Variants in KIAA2012 observed in about 807,000 individuals in gnomAD.
The protein encoded by KIAA2012 is KIAA2012, also known as uncharacterized protein KIAA2012.
A neutral mutation model predicts 150.6 loss-of-function variants in KIAA2012; 125 were observed. The ratio of observed to expected loss-of-function variants is 0.83; its 90% CI spans 0.72 to 0.96. The LOEUF (loss-of-function observed/expected upper bound fraction) is 0.96. Among genes scored for constraint, KIAA2012 ranks in the 40% least tolerant of loss-of-function variants. The probability of loss-of-function intolerance (pLI) is 0.00; values close to 1 mark genes in which losing one functional copy is unlikely to be tolerated. For missense variants in KIAA2012, 1,219 were observed against 1,354.9 expected (o/e 0.90, Z 1.57); for synonymous variants, 462 against 504.7 (o/e 0.92, Z 1.13).
intron 12 of KIAA2012, among the ~76,000 whole-genome samples, chr2:202,132,257 C>G (rs1335553603): frequency 6.6e-6 from 1 of 152,080 alleles, no homozygotes; most frequent in Middle Eastern, 3.2e-3. Flanking sequence ...ATTGACATCA[C>G]CAGATTTTTA....
At chr2:202,075,250 T>G in intron 2 of KIAA2012, 75 bp downstream of exon 2, 1 of 1,443,938 alleles carries the variant, frequency 6.9e-7, no homozygotes, top group Non-Finnish European at 9.1e-7. Context: ...GCTTTGGGAA[T>G]AATTTCTTGG....
intron 15 of KIAA2012, among the ~76,000 whole-genome samples, chr2:202,183,449 T>C (rs1479242663): frequency 6.9e-6 from 1 of 144,186 alleles, no homozygotes; most frequent in Admixed American, 7.5e-5. Flanking sequence ...CATTTGTTTT[T>C]TGGGGGGTTT....
intron 15 of KIAA2012, chr2:202,179,489 G>A (rs1240043310): frequency 9.9e-6 from 7 of 705,090 alleles, no homozygotes; most frequent in African/African-American, 1.8e-5. Context: ...AGACAAAGTG[G>A]AACCAATTAC....
Position 202,073,508 on chromosome 2 carries a change from G to C in KIAA2012, c.-120G>C. 1 of 737,646 alleles carries C rather than the reference G, an allele frequency of 1.4e-6. No homozygotes were observed. The highest frequency in any genetic ancestry group is 2.2e-6 in the Non-Finnish European group (1 of 445,052). The allele number at this position is 737,646 out of a possible 1,614,324, so 45.7% of individuals were successfully genotyped here. On this transcript the variant is annotated 5_prime_UTR_variant, in exon 1 of 24. Transcript: ENST00000498697. ...GAGGGAAAAATGTATTTAATAAAAGGCCCTGTGTTTGTGGTCTTCTTGGGC... is the reference window on the plus strand; with the variant it reads ...GAGGGAAAAATGTATTTAATAAAAGCCCCTGTGTTTGTGGTCTTCTTGGGC...
intron 15 of KIAA2012, among the ~76,000 whole-genome samples, chr2:202,176,450 G>C (rs1197921739): frequency 6.6e-6 from 1 of 152,164 alleles, no homozygotes; most frequent in Non-Finnish European, 1.5e-5. Flanking sequence ...GCCTGCCTTG[G>C]CCTCCCAAAG....
intron 3 of KIAA2012, among the ~76,000 whole-genome samples, chr2:202,092,612 T>C (rs566309708): frequency 3.3e-5 from 5 of 152,040 alleles, no homozygotes; most frequent in African/African-American, 4.8e-5. Flanking sequence ...GGTGGGCCCA[T>C]TGGGAAGTCC....
intron 2 of KIAA2012, among the ~76,000 whole-genome samples, chr2:202,089,620 C>T (rs1689665898): frequency 6.6e-6 from 1 of 152,228 alleles, no homozygotes; most frequent in African/African-American, 2.4e-5. Context: ...TTTCATTTCT[C>T]ATGCCAGTTC....
At chr2:202,093,316 G>A (rs1575006365) in intron 4 of KIAA2012, 131 bp downstream of exon 4, 1 of 915,428 alleles carries the variant, frequency 1.1e-6, no homozygotes, top group Non-Finnish European at 1.7e-6. Context: ...TGTAAAATGA[G>A]GGGTTAGTGC....
At chr2:202,075,447 G>A (rs1689305699) in intron 2 of KIAA2012, among the ~76,000 whole-genome samples, 1 of 152,154 alleles carries the variant, frequency 6.6e-6, no homozygotes, top group African/African-American at 2.4e-5. Flanking sequence ...TTCAGTTAGA[G>A]TAACACAAAG....
chr2:202,117,094 C>T (rs1457244910), intron 11 of KIAA2012: 1 of 152,222 alleles, frequency 6.6e-6, no homozygotes, highest in African/African-American at 2.4e-5. Flanking sequence ...TCTGTGACCT[C>T]ACAAAAGGCT....
chr2:202,185,452 G>A lies in KIAA2012; in HGVS notation c.2210+609G>A, dbSNP rs189539302. ...AACCTGCTGTCACCTGCCCAGGGAT[G>A]TAAGGATTCCCTCCTAGGTCAAAAA... On this transcript the variant is annotated intron_variant, in intron 16 of 23. Transcript: ENST00000498697. Among the ~76,000 whole-genome samples the A allele has an allele frequency of 1.1e-3, 169 of 152,264 alleles. 1 individual carries two copies. The highest frequency in any genetic ancestry group is 1.9e-3 in the Non-Finnish European group (128 of 68,012).
intron 13 of KIAA2012, among the ~76,000 whole-genome samples, chr2:202,141,249 G>A (rs1440528648): frequency 2.6e-5 from 4 of 152,230 alleles, no homozygotes; most frequent in African/African-American, 9.6e-5. Flanking sequence ...GGCAAATGGT[G>A]GGAATGGTTC....
At chr2:202,190,637 C>A in intron 19 of KIAA2012, 144 bp downstream of exon 19, 1 of 660,948 alleles carries the variant, frequency 1.5e-6, no homozygotes, top group Non-Finnish European at 2.5e-6. Flanking sequence ...ACTTTGGTAT[C>A]TTCTGACCCT....
chr2:202,201,270 C>T, intron 22 of KIAA2012: 10 of 1,556,100 alleles, frequency 6.4e-6, no homozygotes, highest in Admixed American at 1.8e-5. Context: ...GACATCCCAA[C>T]AACATGTGTC....
At chr2:202,202,121 C>T (rs942021459) in intron 22 of KIAA2012, among the ~76,000 whole-genome samples, 1 of 152,090 alleles carries the variant, frequency 6.6e-6, no homozygotes, top group African/African-American at 2.4e-5. Context: ...CAAAGTGCTG[C>T]GATTGCAGGC....
intron 15 of KIAA2012, among the ~76,000 whole-genome samples, chr2:202,182,852 AG>A (rs1368794411): frequency 6.6e-6 from 1 of 152,140 alleles, no homozygotes; most frequent in African/African-American, 2.4e-5. Flanking sequence ...CTTTAATTTT[AG>A]TCATTCTAGT....
chr2:202,190,524 G>A, intron 19 of KIAA2012, 31 bp downstream of exon 19: 4 of 1,445,172 alleles, frequency 2.8e-6, no homozygotes, highest in Non-Finnish European at 3.7e-6. Context: ...CTTGACAGAG[G>A]AAGTTCTGTT....
chr2:202,134,370 G>A (rs966413505), intron 12 of KIAA2012, among the ~76,000 whole-genome samples: 3 of 115,322 alleles, frequency 2.6e-5, no homozygotes, highest in Middle Eastern at 5.1e-3. Context: ...TGGACCCTAC[G>A]GGTGTGATAT....
At chr2:202,081,012 C>T (rs1191232260) in intron 2 of KIAA2012, among the ~76,000 whole-genome samples, 2 of 152,194 alleles carry the variant, frequency 1.3e-5, no homozygotes, top group Non-Finnish European at 2.9e-5. Context: ...TTCCCTCTGC[C>T]ACCAGCCCCT....
Sources: gnomAD v4.1 joint callset for allele counts (sites outside exome capture counted in the v4.1 genomes callset) on GRCh38, gnomAD v4.1.1 for gene constraint, MANE v1.5 for transcripts, NCBI Gene and HGNC (gene_info 2026-07-23, HGNC 2026-07-21) for gene names.